Variants in RBKS observed in about 807,000 individuals in gnomAD.
RBKS encodes ribokinase.
In RBKS, 33 loss-of-function variants were observed where a neutral mutation model predicts 33.9. The observed-to-expected ratio is 0.97, with a 90% confidence interval of 0.74 to 1.30. The LOEUF (loss-of-function observed/expected upper bound fraction) is 1.30, where lower values mean the gene tolerates loss of function less well. Among genes scored for constraint, RBKS ranks in the 50% most tolerant of loss-of-function variants. RBKS has a pLI of 0.00. For synonymous variants in RBKS, 125 were observed against 143.0 expected, an observed-to-expected ratio of 0.87 and a Z score of 0.90; for missense variants, 361 against 392.6, an observed-to-expected ratio of 0.92 and a Z score of 0.68.
chr2:27,840,297 CTCT>C lies in RBKS; in HGVS notation c.514+2767_514+2769del, dbSNP rs1322857084. 2.0e-5 allele frequency among the ~76,000 whole-genome samples: 3 copies of C among 147,608 alleles called. No homozygotes were observed. In the South Asian group the frequency reaches 6.6e-4, roughly 32 times the overall value. On this transcript the variant is annotated intron_variant, in intron 5 of 7. Transcript: ENST00000302188. ...GGCCTCCCAAAGTGCTGGGATACCACTCTTCTTGCATATGAGAATGATGATGCA... is the reference window on the plus strand; with the variant it reads ...GGCCTCCCAAAGTGCTGGGATACCACTCTTGCATATGAGAATGATGATGCA...
At chr2:27,827,854 T>C (rs1678344802) in intron 6 of RBKS, 99 bp from the exon 7 acceptor site, 1 of 1,028,630 alleles carries the variant, frequency 9.7e-7, no homozygotes, top group African/African-American at 1.6e-5. Context: ...TTCTTTTTTA[T>C]AACAACCAAT....
chr2:27,815,898 G>A (rs1678082791), intron 7 of RBKS, among the ~76,000 whole-genome samples: 1 of 152,094 alleles, frequency 6.6e-6, no homozygotes, highest in Non-Finnish European at 1.5e-5. Flanking sequence ...CTGAAACAAT[G>A]GTTCCTTTTC....
At chr2:27,794,053 A>G (rs1047772067) in intron 7 of RBKS, among the ~76,000 whole-genome samples, 1 of 152,078 alleles carries the variant, frequency 6.6e-6, no homozygotes, top group Non-Finnish European at 1.5e-5. Flanking sequence ...TAATCCCAGC[A>G]CTTTGGGAGG....
At chr2:27,829,974 C>A (rs1678389120) in intron 6 of RBKS, among the ~76,000 whole-genome samples, 1 of 152,116 alleles carries the variant, frequency 6.6e-6, no homozygotes, top group Non-Finnish European at 1.5e-5. Context: ...CGGCTCCAGT[C>A]CGCTATAAAT....
chr2:27,790,193 G>C (rs1474002285), intron 7 of RBKS, among the ~76,000 whole-genome samples: 2 of 151,914 alleles, frequency 1.3e-5, no homozygotes, highest in Non-Finnish European at 2.9e-5. Context: ...AACGCAACCT[G>C]TACCCAGTAA....
At chr2:27,886,316 G>C (rs1376399112) in intron 1 of RBKS, among the ~76,000 whole-genome samples, 1 of 152,176 alleles carries the variant, frequency 6.6e-6, no homozygotes, top group Non-Finnish European at 1.5e-5. Flanking sequence ...ATCTAAAAGG[G>C]CTTAGTTATT....
chr2:27,817,013 G>A (rs1398308784), intron 7 of RBKS, among the ~76,000 whole-genome samples: 1 of 152,188 alleles, frequency 6.6e-6, no homozygotes, highest in Non-Finnish European at 1.5e-5. Context: ...TAGAACTTAA[G>A]GAATGTAAGA....
chr2:27,874,053 G>T (rs779451210), intron 1 of RBKS, among the ~76,000 whole-genome samples: 1 of 152,170 alleles, frequency 6.6e-6, no homozygotes, highest in African/African-American at 2.4e-5. Flanking sequence ...CTCATATGAA[G>T]AATTTAAGGC....
At chr2:27,852,774 G>A (rs763891239) in intron 2 of RBKS, among the ~76,000 whole-genome samples, 1 of 152,152 alleles carries the variant, frequency 6.6e-6, no homozygotes, top group African/African-American at 2.4e-5. Context: ...CAAAGCATTA[G>A]AATACAGAAA....
At chr2:27,803,767 C>T (rs1330249818) in intron 7 of RBKS, among the ~76,000 whole-genome samples, 1 of 151,646 alleles carries the variant, frequency 6.6e-6, no homozygotes, top group Non-Finnish European at 1.5e-5. Context: ...AGAGCAGGGG[C>T]CAGGTGCGGT....
intron 5 of RBKS, among the ~76,000 whole-genome samples, chr2:27,838,025 C>A (rs1229396951): frequency 6.6e-6 from 1 of 152,026 alleles, no homozygotes; most frequent in African/African-American, 2.4e-5. Flanking sequence ...CATGGTGAAG[C>A]CCCATCTCTA....
intron 7 of RBKS, among the ~76,000 whole-genome samples, chr2:27,820,526 G>C (rs1678180374): frequency 6.6e-6 from 1 of 151,410 alleles, no homozygotes. Flanking sequence ...TTGTAGGATA[G>C]ACTCTTAGAA....
rs1424001475 is a variant in RBKS, at chr2:27,837,836, G to A, written c.515-5059C>T. On this transcript the variant is annotated intron_variant, in intron 5 of 7. Transcript: ENST00000302188. This position sits in a 1 kb window ranked among gnomAD's most constrained non-coding sequence, Gnocchi z 4.0. ...ACTACAGAGTACTGGAGCAGGGAGGGGCACAGGTTGAAAAGCTACCTATTG... is the reference window on the plus strand; with the variant it reads ...ACTACAGAGTACTGGAGCAGGGAGGAGCACAGGTTGAAAAGCTACCTATTG... 6.6e-6 allele frequency among the ~76,000 whole-genome samples: 1 copy of A among 152,086 alleles called. No individual in the cohort carries two copies. Among genetic ancestry groups the A allele is most frequent in the Non-Finnish European group, 1.5e-5 (1 of 68,010 alleles).
chr2:27,809,712 A>C (rs1677957634), intron 7 of RBKS: 1 of 327,868 alleles, frequency 3.1e-6, no homozygotes, highest in African/African-American at 2.2e-5. Flanking sequence ...TCATCTTCTA[A>C]CAGCTGCTTT....
intron 1 of RBKS, among the ~76,000 whole-genome samples, chr2:27,866,538 A>G (rs1664103410): frequency 6.6e-6 from 1 of 152,048 alleles, no homozygotes; most frequent in Non-Finnish European, 1.5e-5. Flanking sequence ...CCAGTGACAT[A>G]TATGGTAGGC....
At chr2:27,882,826 A>G (rs1664444713) in intron 1 of RBKS, among the ~76,000 whole-genome samples, 1 of 152,248 alleles carries the variant, frequency 6.6e-6, no homozygotes, top group South Asian at 2.1e-4. Flanking sequence ...TAACACAGGT[A>G]CAGAAAGCTA....
chr2:27,885,890 A>G (rs1445524474), intron 1 of RBKS, among the ~76,000 whole-genome samples: 3 of 152,226 alleles, frequency 2.0e-5, no homozygotes, highest in Non-Finnish European at 2.9e-5. Flanking sequence ...AATGGGTGAT[A>G]CAGGTCATAA....
At chr2:27,872,552 A>G (rs2148227166) in intron 1 of RBKS, among the ~76,000 whole-genome samples, 1 of 152,322 alleles carries the variant, frequency 6.6e-6, no homozygotes. Context: ...CAGATAAAAT[A>G]TGGTAACTCA....
intron 7 of RBKS, among the ~76,000 whole-genome samples, chr2:27,825,884 C>G (rs1325363881): frequency 6.6e-6 from 1 of 152,234 alleles, no homozygotes; most frequent in Middle Eastern, 3.2e-3. Context: ...TAAGCCACTT[C>G]TGTGCATCCA....
Sources: allele counts gnomAD v4.1 joint callset (sites outside exome capture counted in the v4.1 genomes callset), GRCh38; gene constraint gnomAD v4.1.1; non-coding constraint Gnocchi (gnomAD v3.1); transcripts MANE v1.5; gene names NCBI Gene and HGNC (gene_info 2026-07-23, HGNC 2026-07-21).